Variants in ABI2 observed in about 807,000 individuals in gnomAD.
ABI2 encodes the protein abelson interactor 2.
In ABI2, 25 loss-of-function variants were observed where a neutral mutation model predicts 59.2. The ratio of observed to expected loss-of-function variants is 0.42; its 90% CI spans 0.31 to 0.59. ABI2 has a LOEUF of 0.59. ABI2 is among the 20% of genes least tolerant of loss of function. The pLI is 0.14. For missense variants in ABI2, 545 were observed against 681.8 expected (o/e 0.80, Z 2.23); for synonymous variants, 213 against 235.5 (o/e 0.90, Z 0.87).
At chr2:203,374,976 T>C (rs1158057330) in intron 2 of ABI2, 4 of 353,012 alleles carry the variant, frequency 1.1e-5, no homozygotes, top group East Asian at 1.5e-4. Context: ...GGCCTGAGCA[T>C]GTGCTTGGGT....
rs1329987224 is a variant in ABI2 at position 203,417,071 on chromosome 2, C to T, written c.1443C>T (p.Tyr481=). 6.2e-7 allele frequency: 1 copy of T among 1,608,478 alleles called. No individual in the cohort carries two copies. The highest frequency in any genetic ancestry group is 8.5e-7 in the Non-Finnish European group (1 of 1,177,628). ...ACCCACCGTGGGCTCCACGTTCTTA[C>T]TTGGAAAAGGGTAAGTTTCAGAAGG... The part of the protein sequence containing the change: ...EEDPPWAPRS[Y]LEKVVAIYDY... Residue 481 remains tyrosine, a synonymous_variant, in exon 11 of 12, where the codon TAC becomes TAT. Transcript: ENST00000261018.
chr2:203,393,454 T>C (rs1023932812), intron 5 of ABI2, among the ~76,000 whole-genome samples: 6 of 152,256 alleles, frequency 3.9e-5, no homozygotes, highest in African/African-American at 1.4e-4. Context: ...GCATTATAAT[T>C]TAAGAGATGC....
intron 4 of ABI2, among the ~76,000 whole-genome samples, chr2:203,387,056 CTTT>C (rs35497226): frequency 4.3e-5 from 5 of 116,528 alleles, no homozygotes; most frequent in African/African-American, 9.9e-5. Context: ...GGCTCCCTTC[CTTT>C]TTTTTTTTTT....
At chr2:203,358,193 G>A (rs1461208654) in intron 1 of ABI2, among the ~76,000 whole-genome samples, 2 of 148,036 alleles carry the variant, frequency 1.4e-5, no homozygotes, top group Non-Finnish European at 3.0e-5. Flanking sequence ...GTCATAGCTC[G>A]CTATATCTTC....
At chr2:203,426,424 T>G (rs2098425947) in intron 11 of ABI2, among the ~76,000 whole-genome samples, 1 of 152,140 alleles carries the variant, frequency 6.6e-6, no homozygotes, top group East Asian at 1.9e-4. Context: ...AAGATAACAG[T>G]TGAAATAACC....
At chr2:203,398,048 G>A (rs752335694) in intron 8 of ABI2, among the ~76,000 whole-genome samples, 1 of 152,214 alleles carries the variant, frequency 6.6e-6, no homozygotes, top group East Asian at 1.9e-4. Context: ...TGTTCCACTT[G>A]CCAGTGAAGA....
intron 1 of ABI2, among the ~76,000 whole-genome samples, chr2:203,346,134 AGT>A (rs2083382272): frequency 6.6e-6 from 1 of 151,632 alleles, no homozygotes; most frequent in African/African-American, 2.4e-5. Flanking sequence ...GGGTGACAAG[AGT>A]GAAACTCCAT....
At position 203,362,780 on chromosome 2, in the gene ABI2, G is replaced by GCCT. The variant is rs2093703473; in HGVS notation, c.118-4094_118-4092dup. 2.0e-5 allele frequency among the ~76,000 whole-genome samples: 3 copies of GCCT among 151,988 alleles called. 1 individual carries two copies. In the South Asian group the frequency reaches 6.2e-4, roughly 32 times the overall value. On this transcript the variant is annotated intron_variant, in intron 1 of 11. Coordinates refer to ENST00000261018, the MANE Select transcript of ABI2 (RefSeq NM_001375670.1). The stretch of plus-strand genomic sequence containing the variant: ...GACCTCAGGTGATCCACCTGGCTTG[G>GCCT]CCTCCGAAAGTGCTAGGATTACAGG...
intron 1 of ABI2, among the ~76,000 whole-genome samples, chr2:203,346,953 C>T (rs906745947): frequency 1.3e-5 from 2 of 152,146 alleles, no homozygotes; most frequent in African/African-American, 4.8e-5. Flanking sequence ...TTTATTCAGC[C>T]ATTCATTTCT....
At position 203,365,622 on chromosome 2, in the gene ABI2, C is replaced by CTTTTTT. The variant is rs71007507; in HGVS notation, c.118-1235_118-1230dup. On this transcript the variant is annotated intron_variant, in intron 1 of 11. Transcript: ENST00000261018. ...GCTACGTGTTTTCTGGGGCTGTTAT[C>CTTTTTT]TTTTTTTTTTTTTTTTTTTTTTTTT... 2.9e-3 allele frequency among the ~76,000 whole-genome samples: 183 copies of CTTTTTT among 63,842 alleles called. 1 individual carries two copies. The highest frequency in any genetic ancestry group is 3.1e-3 in the Non-Finnish European group (110 of 36,026). 41.9% of individuals were successfully genotyped at this position (63,842 alleles called of 152,430 possible). A position where few individuals can be genotyped will look rare whatever the true frequency, so the allele number is the denominator to read the frequency against.
At chr2:203,352,220 G>T (rs1038036202) in intron 1 of ABI2, among the ~76,000 whole-genome samples, 1 of 152,176 alleles carries the variant, frequency 6.6e-6, no homozygotes, top group Non-Finnish European at 1.5e-5. Context: ...AGCTTTTTGG[G>T]AGCCCGAGAT....
chr2:203,379,697 A>G lies in ABI2; in HGVS notation c.286-511A>G, dbSNP rs1036643081. 5.3e-5 allele frequency among the ~76,000 whole-genome samples: 8 copies of G among 152,166 alleles called. No individual in the cohort carries two copies. In the South Asian group the frequency reaches 6.2e-4, roughly 12 times the overall value. On this transcript the variant is annotated intron_variant, in intron 2 of 11. Transcript: ENST00000261018. ...AGTCTAAATCTTAATGGAGAGGGAA[A>G]AATTAGCATGCTTTAACCCAGGGGT... is the stretch of plus-strand genomic sequence containing the variant.
Position 203,429,553 on chromosome 2 carries a change from T to C in ABI2, c.*2201T>C, listed in dbSNP as rs2098466077. 1 of 152,038 alleles carries C rather than the reference T, an allele frequency of 6.6e-6. No homozygotes were observed. Among genetic ancestry groups the C allele is most frequent in the Admixed American group, 6.6e-5 (1 of 15,250 alleles). 9.4% of individuals were successfully genotyped at this position (152,038 alleles called of 1,614,324 possible). A position where few individuals can be genotyped will look rare whatever the true frequency, so the allele number is the denominator to read the frequency against. On this transcript the variant is annotated 3_prime_UTR_variant, in exon 12 of 12. Transcript: ENST00000261018. ...GTGGGTGGATCATGAGGTCAATAAA[T>C]TGAGACCATCCTGGCCAACATGGTG...
chr2:203,393,304 C>G (rs377388430), intron 5 of ABI2, among the ~76,000 whole-genome samples: 2 of 152,216 alleles, frequency 1.3e-5, no homozygotes, highest in African/African-American at 4.8e-5. Flanking sequence ...CTCTGCCTGC[C>G]CCGGCCTCCC....
chr2:203,372,871 C>T (rs1037502619), intron 2 of ABI2, among the ~76,000 whole-genome samples: 14 of 151,796 alleles, frequency 9.2e-5, no homozygotes, highest in Admixed American at 1.3e-4. Flanking sequence ...GACGGGGCGG[C>T]GGGGCAGAGG....
intron 1 of ABI2, among the ~76,000 whole-genome samples, chr2:203,341,907 C>T (rs1454719760): frequency 1.3e-5 from 2 of 152,186 alleles, no homozygotes; most frequent in South Asian, 2.1e-4. Context: ...TAGTGCAGGA[C>T]TTACTCAATA....
chr2:203,353,707 AGGCT>A lies in ABI2; in HGVS notation c.118-13167_118-13164del, dbSNP rs569796661. 8.5e-5 allele frequency among the ~76,000 whole-genome samples: 13 copies of A among 152,280 alleles called. No homozygotes were observed. In the South Asian group the frequency reaches 2.7e-3, roughly 32 times the overall value. On this transcript the variant is annotated intron_variant, in intron 1 of 11. Transcript: ENST00000261018. ...GAGATGGGGTTTTACCATGTTGGCCAGGCTGGTCTCGAACTTTTTACCTCAAGTG... is the reference window on the plus strand; with the variant it reads ...GAGATGGGGTTTTACCATGTTGGCCAGGTCTCGAACTTTTTACCTCAAGTG...
chr2:203,415,632 A>AG (rs1364109449), intron 10 of ABI2, among the ~76,000 whole-genome samples: 1 of 151,828 alleles, frequency 6.6e-6, no homozygotes, highest in East Asian at 1.9e-4. Flanking sequence ...AAAAAAAAAA[A>AG]AAAAAAAAAA....
chr2:203,329,061 A>G (rs929053831), intron 1 of ABI2: 2 of 156,174 alleles, frequency 1.3e-5, no homozygotes, highest in Admixed American at 6.5e-5. Flanking sequence ...TTAAGGGGTT[A>G]TCTTGCTGCA....
Sources: allele counts gnomAD v4.1 joint callset (sites outside exome capture counted in the v4.1 genomes callset), GRCh38; gene constraint gnomAD v4.1.1; transcripts MANE v1.5; gene names NCBI Gene and HGNC (gene_info 2026-07-23, HGNC 2026-07-21).